CFAP57: variants seen among roughly 807,000 people sequenced by gnomAD.
The protein encoded by CFAP57 is cilia- and flagella-associated protein 57.
In CFAP57, 116 loss-of-function variants were observed where a neutral mutation model predicts 146.8. The observed-to-expected ratio is 0.79, with a 90% CI of 0.68 to 0.92. CFAP57 has a LOEUF of 0.92. Ranked by LOEUF, CFAP57 falls within the 40% of genes least tolerant of loss-of-function variation. The probability of loss-of-function intolerance (pLI) is 0.00; values close to 1 mark genes in which losing one functional copy is unlikely to be tolerated. For missense variants in CFAP57, 1,377 were observed against 1,527.2 expected (o/e 0.90, Z 1.64); for synonymous variants, 518 against 552.8 (o/e 0.94, Z 0.88).
chr1:43,198,393 G>A (rs569803312), intron 7 of CFAP57, 88 bp from the exon 8 acceptor site: 200 of 1,422,668 alleles, frequency 1.4e-4, no homozygotes, highest in South Asian at 7.0e-4. Flanking sequence ...TCTCAAATAC[G>A]ATGATAACAA....
chr1:43,172,997 A>G, intron 2 of CFAP57, 87 bp downstream of exon 2: 1 of 1,287,590 alleles, frequency 7.8e-7, no homozygotes, highest in Admixed American at 1.7e-5. Flanking sequence ...GGAAAGAAAG[A>G]TTTTGGCCAA....
Position 43,219,555 on chromosome 1 carries a change from A to T in CFAP57, c.2247+18A>T. ...AAAACCAGGTCTGTTTAAGAGACTG[A>T]CCAACAAGCACAAATAACAAGAAAT... On this transcript the variant is annotated intron_variant, in intron 13 of 22. Transcript: ENST00000372492. The T allele has an allele frequency of 6.5e-7, 1 of 1,550,198 alleles. No individual in the cohort carries two copies. The highest frequency in any genetic ancestry group is 1.2e-5 in the South Asian group (1 of 83,938).
At chr1:43,181,453 C>A in intron 2 of CFAP57, 81 bp from the exon 3 acceptor site, 1 of 1,527,140 alleles carries the variant, frequency 6.5e-7, no homozygotes, top group Non-Finnish European at 9.0e-7. Flanking sequence ...CACTCCAGTG[C>A]CCACCACAGT....
At chr1:43,237,361 T>G (rs1201340280) in intron 21 of CFAP57, among the ~76,000 whole-genome samples, 1 of 152,208 alleles carries the variant, frequency 6.6e-6, no homozygotes, top group Non-Finnish European at 1.5e-5. Context: ...GACATGCATT[T>G]TATTCATTCA....
intron 18 of CFAP57, among the ~76,000 whole-genome samples, chr1:43,229,933 C>T (rs960184269): frequency 6.6e-6 from 1 of 152,180 alleles, no homozygotes; most frequent in African/African-American, 2.4e-5. Flanking sequence ...GCCTGAGCCC[C>T]ATTGAGAATC....
chr1:43,225,966 A>G (rs1645228854), intron 17 of CFAP57, among the ~76,000 whole-genome samples: 1 of 152,184 alleles, frequency 6.6e-6, no homozygotes, highest in African/African-American at 2.4e-5. Context: ...TGAGGTCAGG[A>G]GTTCGAGACC....
intron 2 of CFAP57, chr1:43,177,131 G>C: frequency 2.2e-6 from 1 of 456,274 alleles, no homozygotes; most frequent in Non-Finnish European, 4.4e-6. Context: ...GTTCATTCTG[G>C]CTGCTGTACA....
At chr1:43,226,045 T>G (rs1645231498) in intron 17 of CFAP57, among the ~76,000 whole-genome samples, 1 of 152,160 alleles carries the variant, frequency 6.6e-6, no homozygotes, top group African/African-American at 2.4e-5. Flanking sequence ...TGGTGGCACA[T>G]GCCTGTAATC....
chr1:43,199,556 C>T (rs1173605772), intron 9 of CFAP57, 53 bp downstream of exon 9: 25 of 1,520,722 alleles, frequency 1.6e-5, no homozygotes, highest in East Asian at 4.5e-5. Context: ...CCAAGTATGC[C>T]GCCAGCCAGT....
intron 11 of CFAP57, among the ~76,000 whole-genome samples, chr1:43,213,806 G>A (rs1324458857): frequency 6.6e-6 from 1 of 151,610 alleles, no homozygotes; most frequent in African/African-American, 2.4e-5. Flanking sequence ...CTGATGATTA[G>A]TGATGTTGAG....
chr1:43,202,134 T>A (rs1464108566), intron 9 of CFAP57, among the ~76,000 whole-genome samples: 1 of 152,216 alleles, frequency 6.6e-6, no homozygotes, highest in African/African-American at 2.4e-5. Flanking sequence ...TAACATTTTT[T>A]ACAAATACAG....
Position 43,221,387 on chromosome 1 carries a change from A to G in CFAP57, c.2263A>G (p.Lys755Glu). ...TCTGTTTTAGGTCTTAAGAACAGAA[A>G]AAGAGAAGCAGGATGTTTATCACCA... ...KTKNQVLRTE[K>E]EKQDVYHHEH... Residue 755 changes from lysine (K) to glutamate (E), a missense_variant, in exon 14 of 23, where the codon AAA becomes GAA. Physicochemically the swap from Lys to Glu is moderately conservative, Grantham distance 56 (BLOSUM62 1). Transcript: ENST00000372492. 1.3e-6 allele frequency: 2 copies of G among 1,542,918 alleles called. No homozygotes were observed.
At chr1:43,232,652 C>A (rs1470376631) in intron 19 of CFAP57, 28 bp downstream of exon 19, 2 of 1,480,508 alleles carry the variant, frequency 1.4e-6, no homozygotes, top group South Asian at 1.3e-5. Flanking sequence ...TCTGGCAGTT[C>A]TTGGATTCGG....
chr1:43,221,539 C>T, intron 14 of CFAP57, 74 bp downstream of exon 14: 4 of 994,416 alleles, frequency 4.0e-6, no homozygotes, highest in Non-Finnish European at 5.6e-6. Flanking sequence ...CAAGAGTCCC[C>T]CAGACACAGT....
chr1:43,238,363 C>T lies in CFAP57; in HGVS notation c.3405+3725C>T, dbSNP rs140400301. Among the ~76,000 whole-genome samples the T allele has an allele frequency of 1.7e-4, 26 of 152,300 alleles. No individual in the cohort carries two copies. Among genetic ancestry groups the T allele is most frequent in the Admixed American group, 9.8e-4 (15 of 15,298 alleles). ...CAGGGTCATCAGTCAGTTCCAAAGGCCAAAGGCAGTCCTGGACAGCTTGGC... is the reference window on the plus strand; with the variant it reads ...CAGGGTCATCAGTCAGTTCCAAAGGTCAAAGGCAGTCCTGGACAGCTTGGC... On this transcript the variant is annotated intron_variant, in intron 21 of 22. Transcript: ENST00000372492. The surrounding 1 kb of genome is among the most constrained non-coding windows in gnomAD (Gnocchi z 4.3).
intron 13 of CFAP57, 27 bp downstream of exon 13, chr1:43,219,564 C>G (rs1243395276): frequency 6.5e-7 from 1 of 1,549,790 alleles, no homozygotes; most frequent in South Asian, 1.2e-5. Context: ...GACCAACAAG[C>G]ACAAATAACA....
At chr1:43,178,678 T>G (rs1046043055) in intron 2 of CFAP57, among the ~76,000 whole-genome samples, 1 of 152,186 alleles carries the variant, frequency 6.6e-6, no homozygotes, top group Non-Finnish European at 1.5e-5. Context: ...CACTTTTACA[T>G]TGTTGGTGGG....
intron 5 of CFAP57, 35 bp from the exon 6 acceptor site, chr1:43,186,672 G>A (rs777072535): frequency 2.7e-5 from 43 of 1,609,072 alleles, no homozygotes; most frequent in Non-Finnish European, 3.6e-5. Context: ...GACAACGTGG[G>A]GACATTACTG....
At chr1:43,233,994 G>A (rs1368366118) in intron 19 of CFAP57, among the ~76,000 whole-genome samples, 5 of 152,138 alleles carry the variant, frequency 3.3e-5, no homozygotes, top group African/African-American at 1.2e-4. Flanking sequence ...GGGAATCAGA[G>A]TCAATAAAGG....
Sources: gnomAD v4.1 joint callset for allele counts (sites outside exome capture counted in the v4.1 genomes callset) on GRCh38, gnomAD v4.1.1 for gene constraint, Gnocchi (gnomAD v3.1) non-coding constraint, MANE v1.5 for transcripts, NCBI Gene and HGNC (gene_info 2026-07-23, HGNC 2026-07-21) for gene names.